ST3GAL2: variants seen among roughly 807,000 people sequenced by gnomAD.
ST3GAL2 encodes the protein ST3 beta-galactoside alpha-2,3-sialyltransferase 2, also known as CMP-N-acetylneuraminate-beta-galactosamide-alpha-2,3-sialyltransferase 2.
In ST3GAL2, 16 loss-of-function variants were observed where a neutral mutation model predicts 37.5. That is an observed-to-expected ratio of 0.43 (90% CI 0.29 to 0.65). The LOEUF is 0.65. ST3GAL2 is among the 30% of genes least tolerant of loss of function. The probability of loss-of-function intolerance (pLI) is 0.17; values close to 1 mark genes in which losing one functional copy is unlikely to be tolerated. For missense variants in ST3GAL2, 383 were observed against 487.8 expected (o/e 0.79, Z 2.02); for synonymous variants, 238 against 202.9 (o/e 1.17, Z -1.47).
chr16:70,424,832 G>T (rs956862896), intron 1 of ST3GAL2, among the ~76,000 whole-genome samples: 1 of 152,132 alleles, frequency 6.6e-6, no homozygotes, highest in African/African-American at 2.4e-5. Context: ...ATGATGGAAG[G>T]TGCCTGCTCG....
chr16:70,438,023 G>A (rs1166974452), intron 1 of ST3GAL2, among the ~76,000 whole-genome samples: 4 of 152,152 alleles, frequency 2.6e-5, no homozygotes, highest in African/African-American at 2.4e-5. Flanking sequence ...TCAATCCTCC[G>A]CTCCTTTACG....
chr16:70,397,666 C>T (rs2047526201), intron 2 of ST3GAL2, among the ~76,000 whole-genome samples: 1 of 152,124 alleles, frequency 6.6e-6, no homozygotes, highest in East Asian at 1.9e-4. Flanking sequence ...GCAGAAGTTA[C>T]AGTGAGCCAT....
At chr16:70,417,723 C>T (rs2047685429) in intron 1 of ST3GAL2, among the ~76,000 whole-genome samples, 1 of 151,814 alleles carries the variant, frequency 6.6e-6, no homozygotes, top group Non-Finnish European at 1.5e-5. Flanking sequence ...CCAGGGGAGA[C>T]TTCTGGAGGA....
rs1035494944 is a variant in ST3GAL2, at chr16:70,379,731, C to G, written c.*1958G>C. ...TCGCCTCCTCGGTTCAAGGGATTCT[C>G]CTGCCTCAGCCTTCCAAGTAGCTGG... On this transcript the variant is annotated 3_prime_UTR_variant, in exon 7 of 7. Coordinates refer to ENST00000342907, the MANE Select transcript of ST3GAL2 (RefSeq NM_006927.4). 1 of 152,190 alleles carries G rather than the reference C, an allele frequency of 6.6e-6. No individual in the cohort carries two copies. The highest frequency in any genetic ancestry group is 2.4e-5 in the African/African-American group (1 of 41,416). The allele number at this position is 152,190 out of a possible 1,614,324, so 9.4% of individuals were successfully genotyped here.
At chr16:70,428,645 C>T (rs373622602) in intron 1 of ST3GAL2, among the ~76,000 whole-genome samples, 82 of 152,356 alleles carry the variant, frequency 5.4e-4, no homozygotes, top group African/African-American at 1.9e-3. Flanking sequence ...TCTGCTCAAA[C>T]TGGACTTCTC....
At chr16:70,397,881 C>T (rs954333961) in intron 2 of ST3GAL2, among the ~76,000 whole-genome samples, 8 of 152,260 alleles carry the variant, frequency 5.3e-5, no homozygotes, top group Admixed American at 2.0e-4. Flanking sequence ...GGCCGAGGGG[C>T]GGCTGCCTCC....
chr16:70,427,011 C>A (rs1377790693), intron 1 of ST3GAL2, among the ~76,000 whole-genome samples: 1 of 152,082 alleles, frequency 6.6e-6, no homozygotes, highest in African/African-American at 2.4e-5. Context: ...CCATTCCCAG[C>A]TACTTTTTAA....
intron 4 of ST3GAL2, among the ~76,000 whole-genome samples, chr16:70,386,718 T>A (rs1197308396): frequency 6.6e-6 from 1 of 152,186 alleles, no homozygotes; most frequent in East Asian, 1.9e-4. Context: ...TGGTCTTGGC[T>A]CACTGCAACC....
intron 1 of ST3GAL2, among the ~76,000 whole-genome samples, chr16:70,436,443 T>G (rs1055438199): frequency 9.0e-5 from 13 of 145,034 alleles, no homozygotes; most frequent in Admixed American, 1.4e-4. Flanking sequence ...AGAGTGAGAC[T>G]TCGTCTCAAA....
At chr16:70,431,765 C>T (rs2047791838) in intron 1 of ST3GAL2, among the ~76,000 whole-genome samples, 2 of 151,756 alleles carry the variant, frequency 1.3e-5, no homozygotes. Context: ...AGATCGAGAC[C>T]ATCCTGGCTA....
chr16:70,389,200 T>C (rs1333415424), intron 3 of ST3GAL2, among the ~76,000 whole-genome samples: 32 of 16,854 alleles, frequency 1.9e-3, no homozygotes, highest in Non-Finnish European at 4.4e-3. Flanking sequence ...ACCCCATCTC[T>C]ACAAAAAAAA....
intron 1 of ST3GAL2, among the ~76,000 whole-genome samples, chr16:70,418,657 G>A (rs1268444056): frequency 6.6e-6 from 1 of 152,056 alleles, no homozygotes. Context: ...ACAGAACACG[G>A]GTCAGTCCAC....
chr16:70,399,248 C>A lies in ST3GAL2; in HGVS notation c.-718G>T, dbSNP rs2047539014. The stretch of plus-strand genomic sequence containing the variant: ...TGGTCCCTTCTCCTGGTGGCCCCAG[C>A]CCCAGCTGCAGTTGCGTAGGGGTCG... On this transcript the variant is annotated 5_prime_UTR_variant, in exon 2 of 7. Transcript: ENST00000342907. The A allele has an allele frequency of 2.5e-6, 1 of 398,832 alleles. No individual in the cohort carries two copies. Among genetic ancestry groups the A allele is most frequent in the African/African-American group, 2.1e-5 (1 of 48,774 alleles). 24.7% of individuals were successfully genotyped at this position (398,832 alleles called of 1,614,324 possible).
At chr16:70,425,154 C>T (rs1211792879) in intron 1 of ST3GAL2, among the ~76,000 whole-genome samples, 2 of 151,676 alleles carry the variant, frequency 1.3e-5, no homozygotes, top group African/African-American at 2.4e-5. Context: ...CAAGTACAGC[C>T]TGGGCAACAT....
At chr16:70,395,288 C>T (rs1327186300) in intron 2 of ST3GAL2, 113 bp from the exon 3 acceptor site, 5 of 994,088 alleles carry the variant, frequency 5.0e-6, no homozygotes, top group Non-Finnish European at 7.3e-6. Flanking sequence ...GCACAGGCCT[C>T]TTTATCCAGG....
intron 6 of ST3GAL2, among the ~76,000 whole-genome samples, chr16:70,382,168 T>C (rs1176282156): frequency 2.0e-5 from 3 of 151,692 alleles, no homozygotes; most frequent in Admixed American, 1.3e-4. Context: ...GTGGAACGGG[T>C]TCTCTGAACG....
chr16:70,401,497 G>A (rs1179997352), intron 1 of ST3GAL2, among the ~76,000 whole-genome samples: 1 of 152,072 alleles, frequency 6.6e-6, no homozygotes, highest in African/African-American at 2.4e-5. Context: ...GTTGTGGTGA[G>A]GGCAAATGGA....
chr16:70,417,442 G>A lies in ST3GAL2; in HGVS notation c.-1003-17909C>T, dbSNP rs373794774. On this transcript the variant is annotated intron_variant, in intron 1 of 6. Coordinates refer to ENST00000342907, the MANE Select transcript of ST3GAL2 (RefSeq NM_006927.4). Reference sequence around the variant, plus strand: ...CTTGCCCCTAGACCCAGCAGAGGACGGTGCGCGTCCATCCTATGGGACACG... The same window carrying A: ...CTTGCCCCTAGACCCAGCAGAGGACAGTGCGCGTCCATCCTATGGGACACG... Among the ~76,000 whole-genome samples the A allele has an allele frequency of 5.3e-4, 81 of 152,166 alleles. 3 individuals are homozygous for A. The East Asian group carries it at 0.013, about 25-fold the overall frequency.
At chr16:70,421,440 CCTAAG>C (rs1003213131) in intron 1 of ST3GAL2, among the ~76,000 whole-genome samples, 24 of 152,188 alleles carry the variant, frequency 1.6e-4, no homozygotes, top group African/African-American at 4.8e-4. Flanking sequence ...CTGGATCTGG[CCTAAG>C]CTGAGTTATA....
Sources: allele counts gnomAD v4.1 joint callset (sites outside exome capture counted in the v4.1 genomes callset), GRCh38; gene constraint gnomAD v4.1.1; transcripts MANE v1.5; gene names NCBI Gene and HGNC (gene_info 2026-07-23, HGNC 2026-07-21).